RAP1GAP2: variants seen among roughly 807,000 people sequenced by gnomAD.
RAP1GAP2 encodes RAP1 GTPase activating protein 2.
In RAP1GAP2, 27 loss-of-function variants were observed where a neutral mutation model predicts 95.0. The observed-to-expected ratio is 0.28, with a 90% CI of 0.21 to 0.39. RAP1GAP2 has a LOEUF of 0.39. RAP1GAP2 is among the 10% of genes least tolerant of loss of function. The pLI is 1.00. For synonymous variants in RAP1GAP2, 373 were observed against 380.9 expected (o/e 0.98, Z 0.24); for missense variants, 771 against 970.0 (o/e 0.79, Z 2.72).
At chr17:2,854,300 C>T (rs2072031862) in intron 2 of RAP1GAP2, among the ~76,000 whole-genome samples, 2 of 152,132 alleles carry the variant, frequency 1.3e-5, no homozygotes, top group Non-Finnish European at 2.9e-5. Flanking sequence ...AGGACCTTGG[C>T]GGAATCGGAG....
intron 4 of RAP1GAP2, among the ~76,000 whole-genome samples, chr17:2,960,552 C>G (rs2044279006): frequency 6.6e-6 from 1 of 152,272 alleles, no homozygotes; most frequent in Admixed American, 6.5e-5. Flanking sequence ...CTGCTGTCCA[C>G]AGAGTGTGGG....
At chr17:3,021,835 G>A (rs2046972985) in intron 19 of RAP1GAP2, among the ~76,000 whole-genome samples, 1 of 152,164 alleles carries the variant, frequency 6.6e-6, no homozygotes, top group South Asian at 2.1e-4. Context: ...TTCCATGGGT[G>A]AATAATATCC....
At chr17:2,768,065 T>A (rs1290698966) in intron 1 of RAP1GAP2, among the ~76,000 whole-genome samples, 1 of 152,148 alleles carries the variant, frequency 6.6e-6, no homozygotes, top group African/African-American at 2.4e-5. Context: ...TTTATTATAA[T>A]TTATTTAGCT....
chr17:2,933,363 C>G (rs2151417094), intron 3 of RAP1GAP2, among the ~76,000 whole-genome samples: 1 of 152,226 alleles, frequency 6.6e-6, no homozygotes, highest in Admixed American at 6.5e-5. Flanking sequence ...GGGAGGGGGC[C>G]AGCCGTGCCT....
intron 3 of RAP1GAP2, among the ~76,000 whole-genome samples, chr17:2,924,041 A>G (rs1323689051): frequency 1.3e-5 from 2 of 152,258 alleles, no homozygotes; most frequent in East Asian, 1.9e-4. Context: ...TAATTTCTCT[A>G]AGAGTTCTCT....
intron 19 of RAP1GAP2, among the ~76,000 whole-genome samples, 172 bp from the exon 20 acceptor site, chr17:3,025,836 G>A (rs182583097): frequency 3.9e-5 from 6 of 152,280 alleles, no homozygotes; most frequent in Admixed American, 1.3e-4. Context: ...GTAGTATGCC[G>A]CCATCTCTGG....
intron 2 of RAP1GAP2, among the ~76,000 whole-genome samples, chr17:2,847,296 C>T (rs1170616391): frequency 6.6e-6 from 1 of 152,140 alleles, no homozygotes; most frequent in African/African-American, 2.4e-5. Flanking sequence ...TGTGAGCCAC[C>T]GCGCCCGGCA....
intron 2 of RAP1GAP2, among the ~76,000 whole-genome samples, chr17:2,853,182 G>A (rs1038327981): frequency 2.0e-5 from 3 of 152,016 alleles, no homozygotes; most frequent in African/African-American, 7.2e-5. Flanking sequence ...GGAGGCGGGG[G>A]CAGAATTCCG....
chr17:3,006,161 C>T, intron 16 of RAP1GAP2, 120 bp downstream of exon 16: 3 of 837,840 alleles, frequency 3.6e-6, no homozygotes, highest in Non-Finnish European at 5.4e-6. Context: ...GAGTCTTGCT[C>T]TGTTACCCAG....
chr17:2,824,113 A>ACT (rs2151526847), intron 2 of RAP1GAP2, among the ~76,000 whole-genome samples: 1 of 115,442 alleles, frequency 8.7e-6, no homozygotes, highest in East Asian at 2.5e-4. Flanking sequence ...ACAGAGCAAG[A>ACT]CTGTCTCAAA....
intron 22 of RAP1GAP2, among the ~76,000 whole-genome samples, chr17:3,030,386 T>G (rs2047255101): frequency 6.6e-6 from 1 of 152,180 alleles, no homozygotes; most frequent in Non-Finnish European, 1.5e-5. Flanking sequence ...TTCATGTAAA[T>G]TCCTTTTTTT....
chr17:2,830,487 G>T (rs565413692), intron 2 of RAP1GAP2, among the ~76,000 whole-genome samples: 2 of 151,938 alleles, frequency 1.3e-5, no homozygotes, highest in Non-Finnish European at 2.9e-5. Flanking sequence ...AGGCCGAGGC[G>T]GGCAGATCAC....
chr17:3,020,577 G>T lies in RAP1GAP2; in HGVS notation c.1733G>T (p.Gly578Val). ...PRLHTGSEGQ[G>V]DSRARCDSTS... ...CTGCACACGGGCTCAGAAGGCCAGG[G>T]CGACAGCCGGGCACGATGGTAACTG... Residue 578 changes from glycine to valine, a missense_variant, in exon 19 of 25, where the codon GGC becomes GTC. Transcript: ENST00000254695. 1 of 1,613,746 alleles carries T rather than the reference G, an allele frequency of 6.2e-7. No individual in the cohort carries two copies. Among genetic ancestry groups the T allele is most frequent in the Non-Finnish European group, 8.5e-7 (1 of 1,179,832 alleles).
chr17:2,928,760 A>G (rs1401327606), intron 3 of RAP1GAP2, among the ~76,000 whole-genome samples: 2 of 152,016 alleles, frequency 1.3e-5, no homozygotes, highest in Admixed American at 6.6e-5. Context: ...GCCCTGCACC[A>G]AGACCCAGAT....
chr17:2,982,602 T>C (rs1428147182), intron 10 of RAP1GAP2, among the ~76,000 whole-genome samples: 22 of 152,200 alleles, frequency 1.4e-4, no homozygotes, highest in Non-Finnish European at 2.8e-4. Context: ...ACCAGGAGTA[T>C]GCTACGCTTC....
In RAP1GAP2 at chr17:2,796,520, C is replaced by T; in HGVS notation, c.-8C>T. 2 of 1,559,584 alleles carry T rather than the reference C, an allele frequency of 1.3e-6. No individual in the cohort carries two copies. The highest frequency in any genetic ancestry group is 1.7e-6 in the Non-Finnish European group (2 of 1,151,670). ...ATCGCTGGGACCCCGGGCTCTGCAG[C>T]CACAACCATGTTTGGCCGGAAGCGC... On this transcript the variant is annotated 5_prime_UTR_variant, in exon 1 of 25. Coordinates refer to ENST00000254695, the MANE Select transcript of RAP1GAP2 (RefSeq NM_015085.5). This position sits in a 1 kb window ranked among gnomAD's most constrained non-coding sequence, Gnocchi z 4.7.
chr17:2,832,494 G>C lies in RAP1GAP2; in HGVS notation c.80+31944G>C, dbSNP rs371748971. 1.1e-3 allele frequency among the ~76,000 whole-genome samples: 159 copies of C among 148,276 alleles called. 1 individual carries two copies. Among genetic ancestry groups the C allele is most frequent in the East Asian group, 3.6e-3 (18 of 4,974 alleles). On this transcript the variant is annotated intron_variant, in intron 2 of 24. Coordinates refer to ENST00000254695, the MANE Select transcript of RAP1GAP2 (RefSeq NM_015085.5). ...AATGGCGTGAACCCAGGAGGTGGAG[G>C]TTGCAGTGAGCCGAGATCGCGCCAC...
In RAP1GAP2 at chr17:2,756,327, G is replaced by C. The variant is rs1033683902; in HGVS notation, c.50+560G>C. The stretch of plus-strand genomic sequence containing the variant: ...AGACCAGGGCAGGGGAGGGGTCCCC[G>C]TGTAGCGGGGCAGTCGCCCTTTCCC... On this transcript the variant is annotated intron_variant, in intron 1 of 25. Transcript: ENST00000637138. 5.9e-5 allele frequency among the ~76,000 whole-genome samples: 9 copies of C among 152,370 alleles called. No individual in the cohort carries two copies. In the East Asian group the frequency reaches 1.2e-3, roughly 20 times the overall value.
chr17:2,950,303 C>T (rs903518261), intron 3 of RAP1GAP2, among the ~76,000 whole-genome samples: 7 of 152,124 alleles, frequency 4.6e-5, no homozygotes, highest in Admixed American at 1.3e-4. Context: ...CTGCCCACCT[C>T]GGCCTCCCAA....
Sources: gnomAD v4.1 joint callset for allele counts (sites outside exome capture counted in the v4.1 genomes callset) on GRCh38, gnomAD v4.1.1 for gene constraint, Gnocchi (gnomAD v3.1) non-coding constraint, MANE v1.5 for transcripts, NCBI Gene and HGNC (gene_info 2026-07-23, HGNC 2026-07-21) for gene names.